The following ZBTB38 variants were observed in gnomAD, a reference collection of about 807,000 sequenced individuals.
ZBTB38 encodes the protein zinc finger and BTB domain-containing protein 38.
ZBTB38 carries 20 observed loss-of-function variants against 76.8 expected under a neutral mutation model. The ratio of observed to expected loss-of-function variants is 0.26; its 90% CI spans 0.18 to 0.38. The LOEUF is 0.38. ZBTB38 is among the 10% of genes least tolerant of loss of function. ZBTB38 has a pLI of 1.00. For missense variants in ZBTB38, 1,082 were observed against 1,482.3 expected (o/e 0.73, Z 4.43); for synonymous variants, 504 against 544.2 (o/e 0.93, Z 1.03).
chr3:141,333,688 T>C (rs1353338348), intron 1 of ZBTB38, among the ~76,000 whole-genome samples: 1 of 151,974 alleles, frequency 6.6e-6, no homozygotes, highest in Non-Finnish European at 1.5e-5. Context: ...CAGCCTTGCA[T>C]TGACCCCTTG....
chr3:141,399,964 A>G (rs1577052135), intron 4 of ZBTB38, among the ~76,000 whole-genome samples: 3 of 141,622 alleles, frequency 2.1e-5, no homozygotes, highest in Admixed American at 2.1e-4. Flanking sequence ...AATTTAAGAG[A>G]GGAGATAATC....
At chr3:141,440,238 T>G (rs2079812164) in intron 5 of ZBTB38, among the ~76,000 whole-genome samples, 1 of 152,328 alleles carries the variant, frequency 6.6e-6, no homozygotes, top group South Asian at 2.1e-4. Flanking sequence ...GTTCTGAGCT[T>G]CTTTGTCTTG....
At chr3:141,441,052 AAAAGAAAAAG>A (rs1264184329) in intron 5 of ZBTB38, among the ~76,000 whole-genome samples, 1 of 149,916 alleles carries the variant, frequency 6.7e-6, no homozygotes, top group African/African-American at 2.5e-5. Flanking sequence ...AAAAAAAAAG[AAAAGAAAAAG>A]AAAGAAAAGA....
In ZBTB38 at chr3:141,402,160, G is replaced by C. The variant is rs538458915; in HGVS notation, c.-105-1767G>C. Among the ~76,000 whole-genome samples, 52 of 152,264 alleles carry C rather than the reference G, an allele frequency of 3.4e-4. No individual in the cohort carries two copies. The South Asian group carries it at 3.7e-3, about 11-fold the overall frequency. ...GGGGCCCCGGCTGGCCACTGGGTCG[G>C]GCATGGGGCCTTACGGGGCCCTCAC... is the stretch of plus-strand genomic sequence containing the variant. On this transcript the variant is annotated intron_variant, in intron 4 of 5. Coordinates refer to ENST00000321464, the MANE Select transcript of ZBTB38 (RefSeq NM_001376113.1).
intron 5 of ZBTB38, among the ~76,000 whole-genome samples, chr3:141,427,293 T>G (rs971953770): frequency 3.3e-5 from 5 of 152,204 alleles, no homozygotes; most frequent in African/African-American, 1.2e-4. Flanking sequence ...GTCAAGTAAC[T>G]TTTAATTACA....
chr3:141,400,924 C>T (rs1245937394), intron 4 of ZBTB38, among the ~76,000 whole-genome samples: 1 of 152,182 alleles, frequency 6.6e-6, no homozygotes. Flanking sequence ...CTTGCCCTAC[C>T]ACCTCCCACC....
At chr3:141,400,009 T>G (rs980496031) in intron 4 of ZBTB38, among the ~76,000 whole-genome samples, 78 of 143,796 alleles carry the variant, frequency 5.4e-4, no homozygotes, top group Non-Finnish European at 7.5e-4. Flanking sequence ...TTTTTTTTTT[T>G]GCAAATGTAT....
rs1325776752 is a variant in ZBTB38 at position 141,443,445 on chromosome 3, A to G, written c.1057A>G (p.Ser353Gly). 1.2e-6 allele frequency: 2 copies of G among 1,614,248 alleles called. No homozygotes were observed. The highest frequency in any genetic ancestry group is 1.7e-6 in the Non-Finnish European group (2 of 1,180,048). The change falls in exon 6 of 6, where the codon AGC (serine) becomes GGC (glycine). Residue 353 changes from serine to glycine, a missense_variant. Transcript: ENST00000321464. The surrounding 1 kb of genome is among the most constrained non-coding windows in gnomAD (Gnocchi z 5.6). ...TAGCTGCTGTTCCAAAGCCTTTGACAGCAGCACTCTGCTCAGTGCCCACAT... is the reference window on the plus strand; with the variant it reads ...TAGCTGCTGTTCCAAAGCCTTTGACGGCAGCACTCTGCTCAGTGCCCACAT... ...NCSCCSKAFD[S>G]STLLSAHMQL... is the part of the protein sequence containing the mutation.
rs2080814804 is a variant in ZBTB38 at position 141,444,449 on chromosome 3, G to A, written c.2061G>A (p.Arg687=). The change falls in exon 6 of 6, where the codon CGG becomes CGA. Residue 687 remains arginine, a synonymous_variant. Transcript: ENST00000321464. This position sits in a 1 kb window ranked among gnomAD's most constrained non-coding sequence, Gnocchi z 5.1. ...STENAVSSDL[R]AGDVPVLSLS... ...AAAATGCTGTCAGTTCTGACCTCCG[G>A]GCAGGGGATGTACCTGTTTTATCTT... 1 of 1,613,928 alleles carries A rather than the reference G, an allele frequency of 6.2e-7. No homozygotes were observed. The highest frequency in any genetic ancestry group is 1.3e-5 in the African/African-American group (1 of 74,926).
chr3:141,348,192 G>A (rs972704973), intron 1 of ZBTB38, among the ~76,000 whole-genome samples: 1 of 152,158 alleles, frequency 6.6e-6, no homozygotes, highest in African/African-American at 2.4e-5. Context: ...GAGCTTCAAA[G>A]GAGTGGCCTA....
chr3:141,328,090 A>G (rs569936489), intron 1 of ZBTB38, among the ~76,000 whole-genome samples: 3 of 152,354 alleles, frequency 2.0e-5, no homozygotes, highest in Admixed American at 1.3e-4. Context: ...ATCATTTTAC[A>G]TAATATATTC....
At position 141,357,639 on chromosome 3, in the gene ZBTB38, C is replaced by T. The variant is rs140403793; in HGVS notation, c.-738-10982C>T. On this transcript the variant is annotated intron_variant, in intron 1 of 7. Transcript: ENST00000509842. ...CCGGCTCCGGGGTTCAAGCGATTCT[C>T]CTGCCTCGGCCTCCTGAGTAGCTGG... 4.6e-3 allele frequency among the ~76,000 whole-genome samples: 701 copies of T among 152,254 alleles called. 9 individuals are homozygous for T. The highest frequency in any genetic ancestry group is 0.029 in the East Asian group (152 of 5,164).
At chr3:141,332,836 CTATTGT>C (rs1289038352) in intron 1 of ZBTB38, among the ~76,000 whole-genome samples, 2 of 152,142 alleles carry the variant, frequency 1.3e-5, no homozygotes, top group Non-Finnish European at 2.9e-5. Context: ...CTACTGGAAA[CTATTGT>C]TATTGTTTCT....
At chr3:141,373,414 A>G (rs1944918802) in intron 2 of ZBTB38, among the ~76,000 whole-genome samples, 1 of 152,252 alleles carries the variant, frequency 6.6e-6, no homozygotes. Flanking sequence ...ACAGTCTCAC[A>G]CAGGCAGCTC....
At chr3:141,397,038 T>A (rs944746768) in intron 4 of ZBTB38, among the ~76,000 whole-genome samples, 3 of 152,252 alleles carry the variant, frequency 2.0e-5, no homozygotes, top group African/African-American at 7.2e-5. Flanking sequence ...AAGCCAGGCA[T>A]TGATTTCTCC....
At chr3:141,401,841 C>T (rs543966854) in intron 4 of ZBTB38, among the ~76,000 whole-genome samples, 1 of 152,302 alleles carries the variant, frequency 6.6e-6, no homozygotes, top group Non-Finnish European at 1.5e-5. Context: ...GGGTCTTTTG[C>T]GTGAAATAGT....
intron 4 of ZBTB38, among the ~76,000 whole-genome samples, chr3:141,390,706 C>A (rs924683740): frequency 6.6e-6 from 1 of 152,178 alleles, no homozygotes; most frequent in African/African-American, 2.4e-5. Flanking sequence ...TTCTTAACAG[C>A]TCTCTTGGTA....
At chr3:141,328,554 T>G (rs1942746655) in intron 1 of ZBTB38, among the ~76,000 whole-genome samples, 1 of 152,130 alleles carries the variant, frequency 6.6e-6, no homozygotes, top group Non-Finnish European at 1.5e-5. Flanking sequence ...GTTTCCTGGG[T>G]CTAGGCCCTT....
intron 5 of ZBTB38, among the ~76,000 whole-genome samples, chr3:141,418,137 T>C (rs2074497505): frequency 6.6e-6 from 1 of 152,068 alleles, no homozygotes; most frequent in South Asian, 2.1e-4. Flanking sequence ...GCGATTTCAG[T>C]ATGTAGTTAG....
Sources: allele counts gnomAD v4.1 joint callset (sites outside exome capture counted in the v4.1 genomes callset), GRCh38; gene constraint gnomAD v4.1.1; non-coding constraint Gnocchi (gnomAD v3.1); transcripts MANE v1.5; gene names NCBI Gene and HGNC (gene_info 2026-07-23, HGNC 2026-07-21).